The following RYR2 variants were observed in gnomAD, a reference collection of about 807,000 sequenced individuals.
RYR2 encodes cardiac muscle ryanodine receptor-calcium release channel.
RYR2 carries 227 observed loss-of-function variants against 601.1 expected under a neutral mutation model. That is an observed-to-expected ratio of 0.38 (90% CI 0.34 to 0.42). RYR2 has a LOEUF of 0.42. Ranked by LOEUF, RYR2 falls within the 10% of genes least tolerant of loss-of-function variation. The pLI, the probability that RYR2 is intolerant of heterozygous loss-of-function variation, is 1.00. For missense variants in RYR2, 4,646 were observed against 6,156.5 expected, an observed-to-expected ratio of 0.75 and a Z score of 8.21; for synonymous variants, 2,223 against 2,175.1, an observed-to-expected ratio of 1.02 and a Z score of -0.61.
intron 1 of RYR2, among the ~76,000 whole-genome samples, chr1:237,047,969 A>T (rs1257957766): frequency 6.6e-6 from 1 of 152,184 alleles, no homozygotes; most frequent in Non-Finnish European, 1.5e-5. Flanking sequence ...ATGTTCCCAA[A>T]GCGACTCTTT....
In RYR2 at chr1:237,631,484, G is replaced by T; in HGVS notation, c.6498G>T (p.Gly2166=). Reference sequence around the variant, plus strand: ...ACCCTAATCTCATGAGGGCACTGGGGATGCACGAGACTGTGATGGAGGTCA... The same window carrying T: ...ACCCTAATCTCATGAGGGCACTGGGTATGCACGAGACTGTGATGGAGGTCA... ...YQHPNLMRAL[G]MHETVMEVMV... Residue 2166 remains glycine (G), a synonymous_variant, in exon 42 of 105, where the codon GGG becomes GGT. Coordinates refer to ENST00000366574, the MANE Select transcript of RYR2 (RefSeq NM_001035.3). The T allele has an allele frequency of 6.2e-7, 1 of 1,613,826 alleles. No individual in the cohort carries two copies. Among genetic ancestry groups the T allele is most frequent in the Non-Finnish European group, 8.5e-7 (1 of 1,179,856 alleles).
At chr1:237,367,988 G>C (rs985423377) in intron 5 of RYR2, among the ~76,000 whole-genome samples, 1 of 152,150 alleles carries the variant, frequency 6.6e-6, no homozygotes, top group Non-Finnish European at 1.5e-5. Flanking sequence ...AGGGGAGGAG[G>C]GTTCTTGTGT....
intron 1 of RYR2, among the ~76,000 whole-genome samples, chr1:237,134,234 G>A (rs186968341): frequency 3.2e-4 from 49 of 152,266 alleles, no homozygotes; most frequent in Admixed American, 2.5e-3. Flanking sequence ...TACTGAGAGA[G>A]TCCCTCCCTT....
intron 2 of RYR2, among the ~76,000 whole-genome samples, chr1:237,315,317 T>A (rs895425883): frequency 6.6e-6 from 1 of 152,166 alleles, no homozygotes; most frequent in African/African-American, 2.4e-5. Context: ...AGTCTGAAGA[T>A]ACTATGTTTT....
chr1:237,705,115 T>C (rs1477138584), intron 66 of RYR2, 98 bp from the exon 67 acceptor site: 20 of 1,054,252 alleles, frequency 1.9e-5, no homozygotes, highest in Non-Finnish European at 2.7e-5. Context: ...TTAGGACCAA[T>C]ATTATCATTC....
chr1:237,330,808 C>T (rs1315698016), intron 2 of RYR2, 70 bp from the exon 3 acceptor site: 2 of 1,195,686 alleles, frequency 1.7e-6, no homozygotes, highest in Non-Finnish European at 2.5e-6. Flanking sequence ...ACTGGAGCCT[C>T]CTAAGGTAAG....
Position 237,819,286 on chromosome 1 carries a change from GTTT to G in RYR2, c.14590+95_14590+97del. On this transcript the variant is annotated intron_variant, in intron 101 of 104. Coordinates refer to ENST00000366574, the MANE Select transcript of RYR2 (RefSeq NM_001035.3). The surrounding 1 kb of genome is among the most constrained non-coding windows in gnomAD (Gnocchi z 4.0). ...TCAAGGTAGGGTAATGACGTCAAGT[GTTT>G]CCTGGCAAAGCCAAATCAAACTTTT... 8.3e-7 allele frequency: 1 copy of G among 1,204,360 alleles called. No individual in the cohort carries two copies. The highest frequency in any genetic ancestry group is 1.4e-5 in the South Asian group (1 of 71,484). 74.6% of individuals were successfully genotyped at this position (1,204,360 alleles called of 1,614,324 possible).
intron 29 of RYR2, among the ~76,000 whole-genome samples, chr1:237,571,927 A>G (rs965202495): frequency 2.6e-5 from 4 of 152,172 alleles, no homozygotes; most frequent in African/African-American, 7.2e-5. Context: ...CATCCCCTCA[A>G]GCATTAATCC....
At chr1:237,544,285 TAAAAGCTAC>T (rs1476103662) in intron 25 of RYR2, among the ~76,000 whole-genome samples, 1 of 152,046 alleles carries the variant, frequency 6.6e-6, no homozygotes, top group Non-Finnish European at 1.5e-5. Flanking sequence ...AGAAAGGGGG[TAAAAGCTAC>T]TTATACCTGT....
At chr1:237,788,225 G>C in intron 92 of RYR2, 90 bp downstream of exon 92, 1 of 1,014,452 alleles carries the variant, frequency 9.9e-7, no homozygotes, top group Non-Finnish European at 1.4e-6. Context: ...CTCTCCCTGA[G>C]TGGCAGTTAG....
chr1:237,374,822 A>G, intron 7 of RYR2, 27 bp downstream of exon 7: 3 of 1,578,568 alleles, frequency 1.9e-6, no homozygotes, highest in African/African-American at 1.3e-5. Flanking sequence ...GCGGGAAGCC[A>G]GGTTCAGAGA....
At position 237,614,744 on chromosome 1, in the gene RYR2, T is replaced by A. The variant is rs765786213; in HGVS notation, c.5616T>A (p.Asp1872Glu). The part of the protein sequence containing the change: ...DTLEKELSVD[D>E]AKLQGAGEEE... Reference sequence around the variant, plus strand: ...TGGAGAAAGAGCTCAGTGTGGACGATGCAAAGCTGCAAGGAGCTGGTGAGG... The same window carrying A: ...TGGAGAAAGAGCTCAGTGTGGACGAAGCAAAGCTGCAAGGAGCTGGTGAGG... The change falls in exon 37 of 105, where the codon GAT (aspartate) becomes GAA (glutamate). Residue 1872 changes from aspartate (D) to glutamate (E), a missense_variant. Transcript: ENST00000366574. The surrounding 1 kb of genome is among the most constrained non-coding windows in gnomAD (Gnocchi z 4.3). The A allele has an allele frequency of 2.5e-6, 4 of 1,613,830 alleles. No homozygotes were observed. In the South Asian group the frequency reaches 4.4e-5, roughly 18 times the overall value.
chr1:237,687,954 C>T (rs898818804), intron 63 of RYR2, among the ~76,000 whole-genome samples: 3 of 152,228 alleles, frequency 2.0e-5, no homozygotes, highest in East Asian at 3.9e-4. Context: ...AACATTGGAA[C>T]GTCATAGTCA....
chr1:237,454,595 A>T, intron 15 of RYR2, 21 bp downstream of exon 15: 1 of 1,608,656 alleles, frequency 6.2e-7, no homozygotes, highest in Non-Finnish European at 8.5e-7. Context: ...ATCAACACTC[A>T]TTTCTCTTCT....
chr1:237,608,277 A>G (rs1402935269), intron 35 of RYR2, among the ~76,000 whole-genome samples: 2 of 152,212 alleles, frequency 1.3e-5, no homozygotes, highest in African/African-American at 2.4e-5. Context: ...CCAAGCGAGG[A>G]TGGAGTTTTC....
chr1:237,084,898 T>A (rs1157559328), intron 1 of RYR2, among the ~76,000 whole-genome samples: 2 of 152,222 alleles, frequency 1.3e-5, no homozygotes, highest in Non-Finnish European at 2.9e-5. Flanking sequence ...CTTGTATACA[T>A]ACCCTGGTCT....
chr1:237,646,207 G>A (rs1027030609), intron 48 of RYR2, among the ~76,000 whole-genome samples: 6 of 151,882 alleles, frequency 4.0e-5, no homozygotes, highest in African/African-American at 1.5e-4. Context: ...CAGGTGTGGT[G>A]GTGCACGCCT....
intron 96 of RYR2, among the ~76,000 whole-genome samples, chr1:237,795,842 A>G (rs542830033): frequency 1.8e-4 from 20 of 113,172 alleles, no homozygotes; most frequent in African/African-American, 8.7e-4. Flanking sequence ...GTGTGTATAT[A>G]TATATATGTA....
intron 5 of RYR2, 31 bp downstream of exon 5, chr1:237,364,403 A>T (rs1214790510): frequency 2.5e-5 from 32 of 1,300,652 alleles, no homozygotes; most frequent in Non-Finnish European, 3.3e-5. Context: ...TGCTATGTAT[A>T]TATATAGCAG....
Sources: allele counts gnomAD v4.1 joint callset (sites outside exome capture counted in the v4.1 genomes callset), GRCh38; gene constraint gnomAD v4.1.1; non-coding constraint Gnocchi (gnomAD v3.1); transcripts MANE v1.5; gene names NCBI Gene and HGNC (gene_info 2026-07-23, HGNC 2026-07-21).